Variants in ATP4A observed in about 807,000 individuals in gnomAD.
ATP4A encodes the protein potassium-transporting ATPase alpha chain 1.
Under a neutral mutation model 112.1 loss-of-function variants are expected in ATP4A, and 73 were observed. The ratio of observed to expected loss-of-function variants is 0.65; its 90% CI spans 0.54 to 0.79. The LOEUF (loss-of-function observed/expected upper bound fraction) is 0.79. ATP4A is among the 30% of genes least tolerant of loss of function. ATP4A has a pLI of 0.00. For missense variants in ATP4A, 1,081 were observed against 1,425.9 expected, an observed-to-expected ratio of 0.76 and a Z score of 3.90; for synonymous variants, 588 against 588.9, an observed-to-expected ratio of 1.00 and a Z score of 0.02.
chr19:35,561,118 C>G (rs944105518), intron 4 of ATP4A, among the ~76,000 whole-genome samples, 186 bp from the exon 5 acceptor site: 1 of 152,072 alleles, frequency 6.6e-6, no homozygotes, highest in Non-Finnish European at 1.5e-5. Flanking sequence ...GTCCCACACT[C>G]GCCTGCTCTG....
rs1399527105 is a variant in ATP4A at position 35,560,142 on chromosome 19, G to A, written c.788-69C>T. 2 of 1,584,334 alleles carry A rather than the reference G, an allele frequency of 1.3e-6. No individual in the cohort carries two copies. Among genetic ancestry groups the A allele is most frequent in the African/African-American group, 1.3e-5 (1 of 74,426 alleles). ...TGGGGTGTGCACTGCCGTGTGAGCT[G>A]AAGGACAGCCAGTCACTGCCAGTGG... On this transcript the variant is annotated intron_variant, in intron 6 of 21. Transcript: ENST00000262623. The surrounding 1 kb of genome is among the most constrained non-coding windows in gnomAD (Gnocchi z 5.1).
rs1163318022 is a variant in ATP4A, at chr19:35,560,835, T to C, written c.518A>G (p.Lys173Arg). Residue 173 changes from lysine to arginine, a missense_variant, in exon 5 of 22, where the codon AAG (lysine) becomes AGG (arginine). Physicochemically the swap from Lys to Arg is conservative, Grantham distance 26. Around this residue, in one of 3 missense-constraint regions of ATP4A, gnomAD observed 850 missense variants for 1,068.2 expected, o/e 0.80. Coordinates refer to ENST00000262623, the MANE Select transcript of ATP4A (RefSeq NM_000704.3). The surrounding 1 kb of genome is among the most constrained non-coding windows in gnomAD (Gnocchi z 5.1). ...FKSTNIIASF[K>R]NLVPQQATVI... ...GGAACCCACCTGTGGCACAAGGTTCTTAAAGCTGGCGATGATGTTGGTGCT... is the reference window on the plus strand; with the variant it reads ...GGAACCCACCTGTGGCACAAGGTTCCTAAAGCTGGCGATGATGTTGGTGCT... 6.2e-7 allele frequency: 1 copy of C among 1,614,048 alleles called. No individual in the cohort carries two copies. The highest frequency in any genetic ancestry group is 8.5e-7 in the Non-Finnish European group (1 of 1,179,970).
At chr19:35,554,848 C>G (rs1245739447) in intron 16 of ATP4A, 74 bp downstream of exon 16, 3 of 1,589,364 alleles carry the variant, frequency 1.9e-6, no homozygotes, top group Non-Finnish European at 2.6e-6. Flanking sequence ...GTGGTGGTCT[C>G]TGTCCCTCCT....
In ATP4A at chr19:35,555,892, A is replaced by C; in HGVS notation, c.1870-80T>G. On this transcript the variant is annotated intron_variant, in intron 12 of 21. Coordinates refer to ENST00000262623, the MANE Select transcript of ATP4A (RefSeq NM_000704.3). This position sits in a 1 kb window ranked among gnomAD's most constrained non-coding sequence, Gnocchi z 6.6. ...TCCTCCCTGGGAGACATCTGCTGATACACGTGTTCATTTACTTGACCAAGC... is the reference window on the plus strand; with the variant it reads ...TCCTCCCTGGGAGACATCTGCTGATCCACGTGTTCATTTACTTGACCAAGC... 6.6e-7 allele frequency: 1 copy of C among 1,517,160 alleles called. No individual in the cohort carries two copies. Among genetic ancestry groups the C allele is most frequent in the Non-Finnish European group, 8.9e-7 (1 of 1,128,612 alleles). The allele number at this position is 1,517,160 out of a possible 1,614,324, so 94.0% of individuals were successfully genotyped here.
At position 35,559,057 on chromosome 19, in the gene ATP4A, C is replaced by T; in HGVS notation, c.1191G>A (p.Met397Ile). The change falls in exon 8 of 22, where the codon ATG becomes ATA. Residue 397 changes from methionine (M) to isoleucine (I), a missense_variant. By Grantham distance (10) the Met-to-Ile change is conservative. This residue lies in a region of ATP4A where 850 missense variants were observed against 1,068.2 expected (regional missense o/e 0.80). Transcript: ENST00000262623. The surrounding 1 kb of genome is among the most constrained non-coding windows in gnomAD (Gnocchi z 4.1). ...DKTGTLTQNRMTVSHLWFDNH... is the reference protein window; with the variant it reads ...DKTGTLTQNRITVSHLWFDNH... ...TGTCAAACCACAGATGGGACACAGT[C>T]ATGCGGTTCTGAGTGAGAGTCCCTG... 1 of 1,614,210 alleles carries T rather than the reference C, an allele frequency of 6.2e-7. No individual in the cohort carries two copies. The highest frequency in any genetic ancestry group is 8.5e-7 in the Non-Finnish European group (1 of 1,180,038).
rs186041410 is a variant in ATP4A at position 35,557,437 on chromosome 19, G to T, written c.1693+218C>A. Among the ~76,000 whole-genome samples, 499 of 152,288 alleles carry T rather than the reference G, an allele frequency of 3.3e-3. 2 individuals carry two copies. The highest frequency in any genetic ancestry group is 0.012 in the African/African-American group (488 of 41,558). ...TGGGAGAGGTTAGAGGTCAGGATACGGATAAAAGTCCAGGTGAGGACTGGG... is the reference window on the plus strand; with the variant it reads ...TGGGAGAGGTTAGAGGTCAGGATACTGATAAAAGTCCAGGTGAGGACTGGG... On this transcript the variant is annotated intron_variant, in intron 11 of 21. Coordinates refer to ENST00000262623, the MANE Select transcript of ATP4A (RefSeq NM_000704.3). This position sits in a 1 kb window ranked among gnomAD's most constrained non-coding sequence, Gnocchi z 4.4.
At position 35,555,513 on chromosome 19, in the gene ATP4A, G is replaced by A. The variant is rs766467929; in HGVS notation, c.2084C>T (p.Thr695Ile). 1 of 1,607,094 alleles carries A rather than the reference G, an allele frequency of 6.2e-7. No individual in the cohort carries two copies. Among genetic ancestry groups the A allele is most frequent in the East Asian group, 2.2e-5 (1 of 44,756 alleles). ...DPSELVEALR[T>I]HPEMVFARTS... ...GCGCGCAAACACCATCTCGGGGTGG[G>A]TGCGCAGGGCCTCGACCAGTTCCGA... The change falls in exon 14 of 22, where the codon ACC becomes ATC. Residue 695 changes from threonine to isoleucine, a missense_variant. Coordinates refer to ENST00000262623, the MANE Select transcript of ATP4A (RefSeq NM_000704.3). This position sits in a 1 kb window ranked among gnomAD's most constrained non-coding sequence, Gnocchi z 6.6.
Position 35,553,121 on chromosome 19 carries a change from C to A in ATP4A, c.2667G>T (p.Trp889Cys), listed in dbSNP as rs2071610842. ...GCAGCCCCACGCACAGCAGTGGGAA[C>A]CAGCCCTCCTGGGCCATTGCCGTGA... ...DYFTAMAQEG[W>C]FPLLCVGLRA... The change falls in exon 18 of 22, where the codon TGG becomes TGT. Residue 889 changes from tryptophan to cysteine, a missense_variant. Trp to Cys is a radical substitution (Grantham distance 215). This residue lies in a region of ATP4A where 219 missense variants were observed against 320.9 expected (regional missense o/e 0.68). Coordinates refer to ENST00000262623, the MANE Select transcript of ATP4A (RefSeq NM_000704.3). The A allele has an allele frequency of 6.2e-7, 1 of 1,610,628 alleles. No individual in the cohort carries two copies.
In ATP4A at chr19:35,560,132, C is replaced by T. The variant is rs988578725; in HGVS notation, c.788-59G>A. 14 of 1,594,590 alleles carry T rather than the reference C, an allele frequency of 8.8e-6. No homozygotes were observed. Among genetic ancestry groups the T allele is most frequent in the Middle Eastern group, 1.7e-4 (1 of 5,986 alleles). On this transcript the variant is annotated intron_variant, in intron 6 of 21. Transcript: ENST00000262623. This position sits in a 1 kb window ranked among gnomAD's most constrained non-coding sequence, Gnocchi z 5.1. Reference sequence around the variant, plus strand: ...GGGGCGGCAGTGGGGTGTGCACTGCCGTGTGAGCTGAAGGACAGCCAGTCA... The same window carrying T: ...GGGGCGGCAGTGGGGTGTGCACTGCTGTGTGAGCTGAAGGACAGCCAGTCA...
Position 35,556,991 on chromosome 19 carries a change from C to T in ATP4A, c.1791G>A (p.Ala597=), listed in dbSNP as rs752159555. ...MNFPSSGLCF[A]GLVSMIDPPR... The stretch of plus-strand genomic sequence containing the variant: ...GTGGGTCAATCATGGATACAAGTCC[C>T]GCAAAGCAGAGGCCGCTAGATGGAA... Residue 597 remains alanine, a synonymous_variant, in exon 12 of 22, where the codon GCG becomes GCA. Coordinates refer to ENST00000262623, the MANE Select transcript of ATP4A (RefSeq NM_000704.3). The T allele has an allele frequency of 1.2e-5, 19 of 1,614,048 alleles. No individual in the cohort carries two copies. Among genetic ancestry groups the T allele is most frequent in the African/African-American group, 4.0e-5 (3 of 74,918 alleles).
At chr19:35,563,588 C>A in intron 1 of ATP4A, 30 bp downstream of exon 1, 1 of 1,614,054 alleles carries the variant, frequency 6.2e-7, no homozygotes, top group Non-Finnish European at 8.5e-7. Flanking sequence ...CCTGTCCCCA[C>A]TGCACCCCGG....
chr19:35,557,950 C>G lies in ATP4A; in HGVS notation c.1501-103G>C. On this transcript the variant is annotated intron_variant, in intron 10 of 21. Coordinates refer to ENST00000262623, the MANE Select transcript of ATP4A (RefSeq NM_000704.3). This position sits in a 1 kb window ranked among gnomAD's most constrained non-coding sequence, Gnocchi z 4.4. Reference sequence around the variant, plus strand: ...GAGGAGAGGGGCGGGGCCGAGAGCTCGGTGCGGGCTCTGAGAGCTGCGGGG... The same window carrying G: ...GAGGAGAGGGGCGGGGCCGAGAGCTGGGTGCGGGCTCTGAGAGCTGCGGGG... The G allele has an allele frequency of 1.1e-6, 1 of 942,222 alleles. No individual in the cohort carries two copies. The highest frequency in any genetic ancestry group is 1.5e-6 in the Non-Finnish European group (1 of 659,202). 58.4% of individuals were successfully genotyped at this position (942,222 alleles called of 1,614,324 possible).
In ATP4A at chr19:35,555,535, C is replaced by T. The variant is rs199693426; in HGVS notation, c.2062G>A (p.Glu688Lys). The T allele has an allele frequency of 1.2e-6, 2 of 1,601,248 alleles. No individual in the cohort carries two copies. Among genetic ancestry groups the T allele is most frequent in the East Asian group, 4.5e-5 (2 of 44,610 alleles). ...TGGGTGCGCAGGGCCTCGACCAGTT[C>T]CGATGGGTCCATGTCCTTCAGCTGC... is the stretch of plus-strand genomic sequence containing the variant. Reference protein sequence around the residue: ...GMQLKDMDPSELVEALRTHPE... With the variant: ...GMQLKDMDPSKLVEALRTHPE... The change falls in exon 14 of 22, where the codon GAA becomes AAA. Residue 688 changes from glutamate to lysine, a missense_variant. Glu to Lys is a moderately conservative substitution (Grantham distance 56). Coordinates refer to ENST00000262623, the MANE Select transcript of ATP4A (RefSeq NM_000704.3). The surrounding 1 kb of genome is among the most constrained non-coding windows in gnomAD (Gnocchi z 6.6).
At position 35,559,073 on chromosome 19, in the gene ATP4A, A is replaced by G; in HGVS notation, c.1175T>C (p.Leu392Pro). The G allele has an allele frequency of 2.5e-6, 4 of 1,614,196 alleles. No homozygotes were observed. Among genetic ancestry groups the G allele is most frequent in the Non-Finnish European group, 3.4e-6 (4 of 1,180,044 alleles). The change falls in exon 8 of 22, where the codon CTC (leucine) becomes CCC (proline). Residue 392 changes from leucine to proline, a missense_variant. Physicochemically the swap from Leu to Pro is moderately conservative, Grantham distance 98. Around this residue, in one of 3 missense-constraint regions of ATP4A, gnomAD observed 850 missense variants for 1,068.2 expected, o/e 0.80. Transcript: ENST00000262623. The surrounding 1 kb of genome is among the most constrained non-coding windows in gnomAD (Gnocchi z 4.1). Reference protein sequence around the residue: ...SVICSDKTGTLTQNRMTVSHL... With the variant: ...SVICSDKTGTPTQNRMTVSHL... ...GGACACAGTCATGCGGTTCTGAGTGAGAGTCCCTGTCTTGTCCGAGCAGAT... is the reference window on the plus strand; with the variant it reads ...GGACACAGTCATGCGGTTCTGAGTGGGAGTCCCTGTCTTGTCCGAGCAGAT...
Position 35,557,695 on chromosome 19 carries a change from G to C in ATP4A, c.1653C>G (p.Thr551=). 6.2e-7 allele frequency: 1 copy of C among 1,609,126 alleles called. No homozygotes were observed. Among genetic ancestry groups the C allele is most frequent in the Admixed American group, 1.7e-5 (1 of 59,774 alleles). Residue 551 remains threonine (T), a synonymous_variant, in exon 11 of 22, where the codon ACC becomes ACG. Coordinates refer to ENST00000262623, the MANE Select transcript of ATP4A (RefSeq NM_000704.3). The surrounding 1 kb of genome is among the most constrained non-coding windows in gnomAD (Gnocchi z 4.4). The part of the protein sequence containing the change: ...LDEQWREAFQ[T]AYLSLGGLGE... ...CCAGGCCTCCCAGGCTGAGGTAGGC[G>C]GTCTGGAAGGCCTCGCGCCACTGCT...
chr19:35,562,572 G>A lies in ATP4A; in HGVS notation c.283C>T (p.Arg95Trp), dbSNP rs773824281. The stretch of plus-strand genomic sequence containing the variant: ...AACTTGACGTACTCTGGGGTGCCCC[G>A]TGGTGGCCGCAGTGCGTTGGGCCCA... ...RDGPNALRPP[R>W]GTPEYVKFAR... The change falls in exon 4 of 22, where the codon CGG becomes TGG. Residue 95 changes from arginine (R) to tryptophan (W), a missense_variant. By Grantham distance (101) the Arg-to-Trp change is moderately radical (BLOSUM62 -3). This residue lies in a region of ATP4A where 850 missense variants were observed against 1,068.2 expected (regional missense o/e 0.80). Coordinates refer to ENST00000262623, the MANE Select transcript of ATP4A (RefSeq NM_000704.3). The A allele has an allele frequency of 6.8e-6, 11 of 1,611,958 alleles. No homozygotes were observed. Among genetic ancestry groups the A allele is most frequent in the Middle Eastern group, 1.7e-4 (1 of 6,010 alleles).
intron 16 of ATP4A, among the ~76,000 whole-genome samples, chr19:35,554,150 T>C (rs1267965753): frequency 2.0e-5 from 3 of 152,196 alleles, no homozygotes; most frequent in Non-Finnish European, 2.9e-5. Context: ...TGCTCTTGTG[T>C]ATTTCTGTGT....
Position 35,557,699 on chromosome 19 carries a change from T to C in ATP4A, c.1649A>G (p.Gln550Arg), listed in dbSNP as rs2071639200. ...GCCTCCCAGGCTGAGGTAGGCGGTC[T>C]GGAAGGCCTCGCGCCACTGCTCGTC... ...PLDEQWREAF[Q>R]TAYLSLGGLG... Residue 550 changes from glutamine to arginine, a missense_variant, in exon 11 of 22, where the codon CAG becomes CGG. By Grantham distance (43) the Gln-to-Arg change is conservative (BLOSUM62 1). This residue lies in a region of ATP4A where 850 missense variants were observed against 1,068.2 expected (regional missense o/e 0.80). Coordinates refer to ENST00000262623, the MANE Select transcript of ATP4A (RefSeq NM_000704.3). This position sits in a 1 kb window ranked among gnomAD's most constrained non-coding sequence, Gnocchi z 4.4. 6.2e-7 allele frequency: 1 copy of C among 1,609,232 alleles called. No individual in the cohort carries two copies. Among genetic ancestry groups the C allele is most frequent in the Non-Finnish European group, 8.5e-7 (1 of 1,178,390 alleles).
Position 35,557,231 on chromosome 19 carries a change from C to T in ATP4A, c.1694-143G>A. The T allele has an allele frequency of 1.1e-6, 1 of 934,582 alleles. No individual in the cohort carries two copies. The highest frequency in any genetic ancestry group is 1.6e-6 in the Non-Finnish European group (1 of 627,806). The allele number at this position is 934,582 out of a possible 1,614,324, so 57.9% of individuals were successfully genotyped here. On this transcript the variant is annotated intron_variant, in intron 11 of 21. Transcript: ENST00000262623. This position sits in a 1 kb window ranked among gnomAD's most constrained non-coding sequence, Gnocchi z 4.4. ...GTGCTGACCCCTTCACTCACATTAT[C>T]TGAATCTACCCTCACAACCACCCTG...
Sources: allele counts gnomAD v4.1 joint callset (sites outside exome capture counted in the v4.1 genomes callset), GRCh38; gene constraint gnomAD v4.1.1; regional missense constraint gnomAD v4.1.1; non-coding constraint Gnocchi (gnomAD v3.1); transcripts MANE v1.5; gene names NCBI Gene and HGNC (gene_info 2026-07-23, HGNC 2026-07-21).